GRPR: variants seen among roughly 807,000 people sequenced by gnomAD.
GRPR encodes gastrin-releasing peptide receptor.
GRPR carries 4 observed loss-of-function variants against 15.6 expected under a neutral mutation model. The observed-to-expected ratio is 0.26, with a 90% CI of 0.13 to 0.59. GRPR has a LOEUF of 0.59. Ranked by LOEUF, GRPR falls within the 20% of genes least tolerant of loss-of-function variation. The pLI, the probability that GRPR is intolerant of heterozygous loss-of-function variation, is 0.90. For missense variants in GRPR, 270 were observed against 304.1 expected, an observed-to-expected ratio of 0.89 and a Z score of 0.83; for synonymous variants, 128 against 126.8, an observed-to-expected ratio of 1.01 and a Z score of -0.06.
intron 1 of GRPR, among the ~76,000 whole-genome samples, chrX:16,128,424 A>G (rs1431868218): frequency 1.4e-4 from 15 of 110,630 alleles, no homozygotes; most frequent in Non-Finnish European, 2.8e-4. Flanking sequence ...CTGAGGCAGG[A>G]GAATTGCTTG....
chrX:16,148,159 C>G, intron 1 of GRPR, among the ~76,000 whole-genome samples: 1 of 111,566 alleles, frequency 9.0e-6, no homozygotes. Context: ...AATAATAGCC[C>G]TCTCTTCCCT....
rs1922736092 is a variant in GRPR at position 16,152,768 on chromosome X, TG to T, written c.*128del. Reference sequence around the variant, plus strand: ...TCAGAATGCTCCTGAGTGGTGTAGGTGGGGGTGGGGAGGCCCAAATGATGGA... The same window carrying T: ...TCAGAATGCTCCTGAGTGGTGTAGGTGGGGTGGGGAGGCCCAAATGATGGA... On this transcript the variant is annotated 3_prime_UTR_variant, in exon 3 of 3. Coordinates refer to ENST00000380289, the MANE Select transcript of GRPR (RefSeq NM_005314.3). 1.1e-5 allele frequency: 6 copies of T among 525,620 alleles called. No homozygotes were observed. 43.3% of individuals were successfully genotyped at this position (525,620 alleles called of 1,213,427 possible).
chrX:16,131,780 G>T (rs1158404713), intron 1 of GRPR, among the ~76,000 whole-genome samples: 2 of 112,022 alleles, frequency 1.8e-5, no homozygotes, highest in Non-Finnish European at 3.8e-5. Context: ...GGATTCCATT[G>T]TATGGATATT....
rs910176987 is a variant in GRPR, at chrX:16,142,257, A to G, written c.414-8048A>G. On this transcript the variant is annotated intron_variant, in intron 1 of 2. Transcript: ENST00000380289. Reference sequence around the variant, plus strand: ...ATATTTAACAAAAAATATTTAAAGTAGGCTTTAAAATTTTATTTTACTGTT... The same window carrying G: ...ATATTTAACAAAAAATATTTAAAGTGGGCTTTAAAATTTTATTTTACTGTT... Among the ~76,000 whole-genome samples the G allele has an allele frequency of 2.7e-4, 30 of 112,395 alleles. 1 individual carries two copies. Among genetic ancestry groups the G allele is most frequent in the African/African-American group, 9.4e-4 (29 of 30,935 alleles).
intron 1 of GRPR, among the ~76,000 whole-genome samples, chrX:16,140,932 G>A (rs188606633): frequency 1.4e-3 from 155 of 111,233 alleles, no homozygotes; most frequent in Non-Finnish European, 2.1e-3. Flanking sequence ...TTTTTCCCCC[G>A]TTCTCTGTGT....
intron 1 of GRPR, among the ~76,000 whole-genome samples, chrX:16,138,142 T>C (rs906234415): frequency 9.0e-6 from 1 of 111,658 alleles, no homozygotes; most frequent in African/African-American, 3.3e-5. Context: ...TTTTGGGAAG[T>C]AGGGGGTGCT....
At chrX:16,139,956 G>T (rs1051164575) in intron 1 of GRPR, among the ~76,000 whole-genome samples, 7 of 112,392 alleles carry the variant, frequency 6.2e-5, no homozygotes, top group African/African-American at 2.3e-4. Context: ...GTAAGTTTTT[G>T]TTAAATAACA....
At chrX:16,135,885 T>C (rs1601943647) in intron 1 of GRPR, among the ~76,000 whole-genome samples, 1 of 112,160 alleles carries the variant, frequency 8.9e-6, no homozygotes, top group Non-Finnish European at 1.9e-5. Context: ...GGAAACATCA[T>C]AGAAAAACAG....
At chrX:16,151,952 T>C (rs1472296722) in intron 2 of GRPR, among the ~76,000 whole-genome samples, 1 of 111,931 alleles carries the variant, frequency 8.9e-6, no homozygotes, top group Admixed American at 9.4e-5. Context: ...TGTTTAAAGA[T>C]CTGTTCTCAG....
At chrX:16,144,527 A>C (rs149474035) in intron 1 of GRPR, among the ~76,000 whole-genome samples, 75 of 111,992 alleles carry the variant, frequency 6.7e-4, no homozygotes, top group African/African-American at 2.3e-3. Context: ...GAAATGCTGG[A>C]TCCTTAAAAA....
chrX:16,141,150 C>T (rs2147034246), intron 1 of GRPR, among the ~76,000 whole-genome samples: 1 of 112,075 alleles, frequency 8.9e-6, no homozygotes, highest in Admixed American at 9.4e-5. Context: ...TACTACTTTC[C>T]TTTGTCATTT....
chrX:16,124,408 G>A, intron 1 of GRPR, 42 bp downstream of exon 1: 1 of 1,118,282 alleles, frequency 8.9e-7, no homozygotes, highest in Non-Finnish European at 1.2e-6. Context: ...AAGGGTGATA[G>A]ACGCCTGGGT....
At chrX:16,139,704 T>G (rs1922502823) in intron 1 of GRPR, among the ~76,000 whole-genome samples, 1 of 111,873 alleles carries the variant, frequency 8.9e-6, no homozygotes. Context: ...AATCTTGCAG[T>G]TTAAAGTATG....
chrX:16,139,035 CCTG>C (rs1922490003), intron 1 of GRPR, among the ~76,000 whole-genome samples: 1 of 111,972 alleles, frequency 8.9e-6, no homozygotes, highest in Non-Finnish European at 1.9e-5. Flanking sequence ...GAGATTGAGC[CCTG>C]GTTCTTCCAG....
Position 16,152,506 on chromosome X carries a change from G to A in GRPR, c.1016G>A (p.Cys339Tyr). Residue 339 changes from cysteine (C) to tyrosine (Y), a missense_variant, in exon 3 of 3, where the codon TGT (cysteine) becomes TAT (tyrosine). Transcript: ENST00000380289. ...AAACAGTTCAACACTCAGCTGCTCT[G>A]TTGCCAGCCTGGCCTGATCATCCGG... ...FRKQFNTQLL[C>Y]CQPGLIIRSH... 8.3e-7 allele frequency: 1 copy of A among 1,211,199 alleles called. No individual in the cohort carries two copies. The highest frequency in any genetic ancestry group is 1.8e-5 in the South Asian group (1 of 57,004).
At chrX:16,149,184 C>T (rs1922651218) in intron 1 of GRPR, among the ~76,000 whole-genome samples, 1 of 111,859 alleles carries the variant, frequency 8.9e-6, no homozygotes, top group Non-Finnish European at 1.9e-5. Flanking sequence ...TCCCAGTTTG[C>T]TTGGACTGAG....
chrX:16,140,891 G>A (rs192237915), intron 1 of GRPR, among the ~76,000 whole-genome samples: 4 of 111,473 alleles, frequency 3.6e-5, no homozygotes, highest in African/African-American at 9.8e-5. Flanking sequence ...CCTAGAGCAC[G>A]GTTAATTTTT....
At chrX:16,152,179 T>G (rs1922718403) in intron 2 of GRPR, 77 bp from the exon 3 acceptor site, 3 of 886,085 alleles carry the variant, frequency 3.4e-6, no homozygotes, top group South Asian at 4.0e-5. Context: ...TTTCTCTGCC[T>G]GAATCTTTGT....
chrX:16,133,435 C>T (rs1324902285), intron 1 of GRPR, among the ~76,000 whole-genome samples: 1 of 111,412 alleles, frequency 9.0e-6, no homozygotes, highest in East Asian at 2.8e-4. Context: ...CACATATTTA[C>T]CTTTAGATTT....
Sources: allele counts gnomAD v4.1 joint callset (sites outside exome capture counted in the v4.1 genomes callset), GRCh38; gene constraint gnomAD v4.1.1; transcripts MANE v1.5; gene names NCBI Gene and HGNC (gene_info 2026-07-23, HGNC 2026-07-21).